CNOT4: variants seen among roughly 807,000 people sequenced by gnomAD.
CNOT4 encodes the protein CCR4-associated factor 4.
Under a neutral mutation model 73.8 loss-of-function variants are expected in CNOT4, and 8 were observed. That is an observed-to-expected ratio of 0.11 (90% CI 0.06 to 0.20). The LOEUF (loss-of-function observed/expected upper bound fraction) is 0.20. Ranked by LOEUF, CNOT4 falls within the 10% of genes least tolerant of loss-of-function variation. The pLI, the probability that CNOT4 is intolerant of heterozygous loss-of-function variation, is 1.00. For missense variants in CNOT4, 564 were observed against 883.4 expected, an observed-to-expected ratio of 0.64 and a Z score of 4.58; for synonymous variants, 293 against 321.1, an observed-to-expected ratio of 0.91 and a Z score of 0.94.
At chr7:135,498,798 C>A (rs574702269) in intron 1 of CNOT4, among the ~76,000 whole-genome samples, 1 of 152,132 alleles carries the variant, frequency 6.6e-6, no homozygotes, top group African/African-American at 2.4e-5. Flanking sequence ...CCACCTGCCT[C>A]GGCCTCCCAA....
chr7:135,409,544 G>C (rs1408158192), intron 7 of CNOT4, among the ~76,000 whole-genome samples: 1 of 151,712 alleles, frequency 6.6e-6, no homozygotes, highest in African/African-American at 2.4e-5. Flanking sequence ...TGAAGAAATG[G>C]ACTCAAACAA....
chr7:135,438,274 G>C lies in CNOT4; in HGVS notation c.58C>G (p.Pro20Ala). The change falls in exon 2 of 12, where the codon CCC becomes GCC. Residue 20 changes from proline (P) to alanine (A), a missense_variant. Transcript: ENST00000541284. The stretch of plus-strand genomic sequence containing the variant: ...AAGTTGATATCATCTATCTCCAAGG[G>C]CTCCATGCAAAGAGGGCACTCCACA... ...DPVECPLCME[P>A]LEIDDINFFP... The C allele has an allele frequency of 6.2e-7, 1 of 1,613,648 alleles. No homozygotes were observed. The highest frequency in any genetic ancestry group is 8.5e-7 in the Non-Finnish European group (1 of 1,179,624).
chr7:135,377,621 A>C (rs1227750839), intron 10 of CNOT4, among the ~76,000 whole-genome samples: 1 of 152,242 alleles, frequency 6.6e-6, no homozygotes, highest in Non-Finnish European at 1.5e-5. Flanking sequence ...ATAGGAACAC[A>C]TCTTTTCCAG....
At chr7:135,496,075 T>G (rs1803556687) in intron 1 of CNOT4, among the ~76,000 whole-genome samples, 1 of 152,146 alleles carries the variant, frequency 6.6e-6, no homozygotes, top group Admixed American at 6.6e-5. Context: ...ACAGTTATTT[T>G]CTTGACTAAA....
At chr7:135,412,972 A>G (rs1202531240) in intron 6 of CNOT4, among the ~76,000 whole-genome samples, 1 of 152,022 alleles carries the variant, frequency 6.6e-6, no homozygotes, top group Non-Finnish European at 1.5e-5. Flanking sequence ...CAGGATACTG[A>G]CTCAGTGGAC....
chr7:135,452,328 G>C (rs1800225687), intron 1 of CNOT4, among the ~76,000 whole-genome samples: 1 of 152,012 alleles, frequency 6.6e-6, no homozygotes, highest in South Asian at 2.1e-4. Flanking sequence ...CCAGAACTTT[G>C]GGAGGCCAAG....
At chr7:135,371,467 C>T (rs1795200534) in intron 10 of CNOT4, among the ~76,000 whole-genome samples, 1 of 152,144 alleles carries the variant, frequency 6.6e-6, no homozygotes, top group Non-Finnish European at 1.5e-5. Context: ...AGAGGAAAAG[C>T]AGCTGATGTG....
At chr7:135,502,192 T>C (rs924644326) in intron 1 of CNOT4, among the ~76,000 whole-genome samples, 15 of 152,254 alleles carry the variant, frequency 9.9e-5, no homozygotes, top group Admixed American at 7.2e-4. Context: ...TATTCTGTTA[T>C]AGCAGCATAA....
chr7:135,368,598 C>T (rs528269921), intron 10 of CNOT4, among the ~76,000 whole-genome samples: 7 of 152,282 alleles, frequency 4.6e-5, no homozygotes, highest in South Asian at 4.1e-4. Flanking sequence ...GGGACACGTA[C>T]GGGAACGTGT....
At position 135,465,905 on chromosome 7, in the gene CNOT4, G is replaced by A. The variant is rs552494404; in HGVS notation, c.-92-27482C>T. Among the ~76,000 whole-genome samples the A allele has an allele frequency of 6.9e-4, 104 of 151,824 alleles. 1 individual carries two copies. Among genetic ancestry groups the A allele is most frequent in the African/African-American group, 2.4e-3 (99 of 41,422 alleles). ...TCTACTAAAACTACAAAAATTAGCCGGGCGTGGTGGCCAAGTGCCTGTAAT... is the reference window on the plus strand; with the variant it reads ...TCTACTAAAACTACAAAAATTAGCCAGGCGTGGTGGCCAAGTGCCTGTAAT... On this transcript the variant is annotated intron_variant, in intron 1 of 11. Transcript: ENST00000541284.
At chr7:135,492,588 C>G (rs529790647) in intron 1 of CNOT4, among the ~76,000 whole-genome samples, 1 of 152,106 alleles carries the variant, frequency 6.6e-6, no homozygotes, top group Admixed American at 6.5e-5. Context: ...TCAGAAAGAG[C>G]TTAGAAAAAA....
chr7:135,479,746 A>C (rs1026684652), intron 1 of CNOT4, among the ~76,000 whole-genome samples: 1 of 151,652 alleles, frequency 6.6e-6, no homozygotes, highest in East Asian at 1.9e-4. Flanking sequence ...AAAACACAAA[A>C]ATTAGTCGGG....
Position 135,510,060 on chromosome 7 carries a change from CAGCCAGACG to C in CNOT4, c.-273_-265del, listed in dbSNP as rs1373198344. On this transcript the variant is annotated 5_prime_UTR_variant, in exon 1 of 12. Coordinates refer to ENST00000541284, the MANE Select transcript of CNOT4 (RefSeq NM_001190850.2). ...GACTCTCAGCTTTCGGTGGGTTCCA[CAGCCAGACG>C]GGCCACCATCTTACATTAGGGTAAG... is the stretch of plus-strand genomic sequence containing the variant. 1.8e-5 allele frequency: 7 copies of C among 399,086 alleles called. No homozygotes were observed. The highest frequency in any genetic ancestry group is 3.1e-5 in the Non-Finnish European group (7 of 226,192). The allele number at this position is 399,086 out of a possible 1,614,324, so 24.7% of individuals were successfully genotyped here. A position where few individuals can be genotyped will look rare whatever the true frequency, so the allele number is the denominator to read the frequency against.
intron 10 of CNOT4, among the ~76,000 whole-genome samples, chr7:135,390,213 A>G (rs1299985876): frequency 6.6e-6 from 1 of 152,172 alleles, no homozygotes; most frequent in Non-Finnish European, 1.5e-5. Context: ...AGTGATCTTC[A>G]TTTATGAAGG....
intron 1 of CNOT4, chr7:135,509,648 C>T (rs531058837): frequency 6.0e-6 from 1 of 166,012 alleles, no homozygotes; most frequent in African/African-American, 2.4e-5. Flanking sequence ...GAAGGAGAGT[C>T]GCTGCTTGCC....
chr7:135,482,558 A>C (rs747930643), intron 1 of CNOT4, among the ~76,000 whole-genome samples: 3 of 152,140 alleles, frequency 2.0e-5, no homozygotes, highest in Non-Finnish European at 2.9e-5. Context: ...TATCAAAAAA[A>C]GAAAGAAAGA....
intron 1 of CNOT4, among the ~76,000 whole-genome samples, chr7:135,495,750 G>GAAAT (rs1491396187): frequency 9.4e-6 from 1 of 106,686 alleles, no homozygotes; most frequent in African/African-American, 3.2e-5. Context: ...AAGAAAGAAA[G>GAAAT]AAAGAAAGAA....
At chr7:135,397,417 G>A (rs1796753879) in intron 8 of CNOT4, among the ~76,000 whole-genome samples, 1 of 151,922 alleles carries the variant, frequency 6.6e-6, no homozygotes, top group Non-Finnish European at 1.5e-5. Flanking sequence ...AATACACAAG[G>A]GGATATACAG....
intron 10 of CNOT4, chr7:135,388,746 G>T (rs1222248196): frequency 6.3e-7 from 1 of 1,576,466 alleles, no homozygotes; most frequent in Admixed American, 1.7e-5. Flanking sequence ...AAATCCAGTT[G>T]CCCATGCAAG....
Sources: allele counts gnomAD v4.1 joint callset (sites outside exome capture counted in the v4.1 genomes callset), GRCh38; gene constraint gnomAD v4.1.1; transcripts MANE v1.5; gene names NCBI Gene and HGNC (gene_info 2026-07-23, HGNC 2026-07-21).